LDHAL6A: variants seen among roughly 807,000 people sequenced by gnomAD.
LDHAL6A encodes the protein L-lactate dehydrogenase A-like 6A.
Under a neutral mutation model 28.2 loss-of-function variants are expected in LDHAL6A, and 19 were observed. The observed-to-expected ratio is 0.67, with a 90% CI of 0.47 to 0.99. LDHAL6A has a LOEUF of 0.99. LDHAL6A is among the 50% of genes least tolerant of loss of function. LDHAL6A has a pLI of 0.00. For missense variants in LDHAL6A, 372 were observed against 398.6 expected (o/e 0.93, Z 0.57); for synonymous variants, 144 against 134.4 (o/e 1.07, Z -0.49).
chr11:18,477,587 T>TTA (rs776665056), intron 5 of LDHAL6A, 33 bp from the exon 6 acceptor site: 7 of 1,564,456 alleles, frequency 4.5e-6, no homozygotes, highest in Middle Eastern at 4.7e-4. Flanking sequence ...CAAGTGCATC[T>TTA]TAACTTATGT....
At position 18,465,795 on chromosome 11, in the gene LDHAL6A, A is replaced by G. The variant is rs1849056582; in HGVS notation, c.403A>G (p.Ile135Val). Residue 135 changes from isoleucine (I) to valine (V), a missense_variant, in exon 3 of 7, where the codon ATT becomes GTT. Ile to Val is a conservative substitution (Grantham distance 29). Coordinates refer to ENST00000280706, the MANE Select transcript of LDHAL6A (RefSeq NM_144972.5). Reference sequence around the variant, plus strand: ...GTACAGTCCTCACTGCAAACTGCTTATTGTTACTAATCCAGGTCAGCTTTG... The same window carrying G: ...GTACAGTCCTCACTGCAAACTGCTTGTTGTTACTAATCCAGGTCAGCTTTG... Reference protein sequence around the residue: ...TQYSPHCKLLIVTNPVDILTY... With the variant: ...TQYSPHCKLLVVTNPVDILTY... 6.2e-7 allele frequency: 1 copy of G among 1,611,938 alleles called. No individual in the cohort carries two copies. Among genetic ancestry groups the G allele is most frequent in the Admixed American group, 1.7e-5 (1 of 59,580 alleles).
intron 6 of LDHAL6A, among the ~76,000 whole-genome samples, chr11:18,478,024 T>C (rs1343521718): frequency 2.0e-5 from 3 of 152,188 alleles, no homozygotes; most frequent in Admixed American, 6.5e-5. Flanking sequence ...TCTAGAAACA[T>C]TGGGAACCAC....
rs1322893556 is a variant in LDHAL6A, at chr11:18,456,333, AG to A, written c.-343del. 2 of 227,358 alleles carry A rather than the reference AG, an allele frequency of 8.8e-6. No individual in the cohort carries two copies. Among genetic ancestry groups the A allele is most frequent in the Non-Finnish European group, 1.7e-5 (2 of 115,824 alleles). The allele number at this position is 227,358 out of a possible 1,614,324, so 14.1% of individuals were successfully genotyped here. On this transcript the variant is annotated 5_prime_UTR_variant, in exon 1 of 7. An upstream open reading frame in the 5' UTR loses its in-frame stop. Coordinates refer to ENST00000280706, the MANE Select transcript of LDHAL6A (RefSeq NM_144972.5). Reference sequence around the variant, plus strand: ...AACAGCAGGGTAAAGGGGAGAGAAAAGGGGGTCAGCTGCGGGACGGAGTGCC... The same window carrying A: ...AACAGCAGGGTAAAGGGGAGAGAAAAGGGGTCAGCTGCGGGACGGAGTGCC...
intron 3 of LDHAL6A, 94 bp downstream of exon 3, chr11:18,465,904 G>A: frequency 2.9e-6 from 3 of 1,033,566 alleles, no homozygotes; most frequent in East Asian, 2.5e-5. Context: ...CTGAGGTTTG[G>A]GGTAGGATTG....
intron 3 of LDHAL6A, among the ~76,000 whole-genome samples, chr11:18,473,281 A>G (rs1384164830): frequency 6.6e-6 from 1 of 152,204 alleles, no homozygotes; most frequent in Non-Finnish European, 1.5e-5. Flanking sequence ...AGCTCCTCAA[A>G]GTCCCAGGCA....
At chr11:18,458,410 C>T (rs1268182707) in intron 1 of LDHAL6A, among the ~76,000 whole-genome samples, 1 of 152,228 alleles carries the variant, frequency 6.6e-6, no homozygotes, top group Non-Finnish European at 1.5e-5. Flanking sequence ...CTCAGTGGTG[C>T]TCCCTGCTGT....
At chr11:18,470,121 GT>G (rs150930461) in intron 3 of LDHAL6A, among the ~76,000 whole-genome samples, 223 of 152,316 alleles carry the variant, frequency 1.5e-3, no homozygotes, top group African/African-American at 5.2e-3. Context: ...TACAGATGGG[GT>G]TTTACCATGT....
At chr11:18,463,018 G>T (rs2133867317) in intron 1 of LDHAL6A, among the ~76,000 whole-genome samples, 1 of 151,112 alleles carries the variant, frequency 6.6e-6, no homozygotes, top group Non-Finnish European at 1.5e-5. Flanking sequence ...TAGCATCATA[G>T]AAATTATAGT....
At chr11:18,469,142 C>A (rs556211577) in intron 3 of LDHAL6A, 3 of 573,404 alleles carry the variant, frequency 5.2e-6, no homozygotes, top group East Asian at 3.1e-5. Flanking sequence ...TGGAGAGATT[C>A]TGATATGACT....
intron 1 of LDHAL6A, among the ~76,000 whole-genome samples, chr11:18,457,344 TTC>T (rs1454553521): frequency 2.0e-5 from 3 of 152,174 alleles, no homozygotes; most frequent in Non-Finnish European, 1.5e-5. Context: ...CAAAAAAAGA[TTC>T]TGACCCCTTT....
chr11:18,478,386 T>C (rs764109031), intron 6 of LDHAL6A, among the ~76,000 whole-genome samples: 1 of 152,102 alleles, frequency 6.6e-6, no homozygotes, highest in Non-Finnish European at 1.5e-5. Flanking sequence ...TAAATATGTC[T>C]AATCATGTTT....
Position 18,465,694 on chromosome 11 carries a change from A to G in LDHAL6A, c.302A>G (p.Lys101Arg), listed in dbSNP as rs377608686. The part of the protein sequence containing the change: ...LVIITAGARQ[K>R]KGETRLDLVQ... ...ATTATCACAGCAGGTGCACGCCAGA[A>G]AAAAGGAGAAACACGCCTTGATTTA... The change falls in exon 3 of 7, where the codon AAA (lysine) becomes AGA (arginine). Residue 101 changes from lysine (K) to arginine (R), a missense_variant. This residue lies in a region of LDHAL6A where 291 missense variants were observed against 302.9 expected (regional missense o/e 0.96). Transcript: ENST00000280706. The G allele has an allele frequency of 3.1e-6, 5 of 1,614,122 alleles. No individual in the cohort carries two copies. Among genetic ancestry groups the G allele is most frequent in the Admixed American group, 1.7e-5 (1 of 60,018 alleles).
chr11:18,471,210 GT>G (rs71313425), intron 3 of LDHAL6A, among the ~76,000 whole-genome samples: 24,200 of 138,748 alleles, frequency 0.17, 2,232 homozygotes, highest in East Asian at 0.42. Flanking sequence ...AACTTTAGAA[GT>G]TTTTTTTTTT....
intron 3 of LDHAL6A, chr11:18,469,128 G>A: frequency 1.8e-6 from 1 of 551,806 alleles, no homozygotes; most frequent in Non-Finnish European, 3.2e-6. Flanking sequence ...TGAAAGGAGA[G>A]CTGTGGAGAG....
intron 2 of LDHAL6A, among the ~76,000 whole-genome samples, chr11:18,465,424 AC>A (rs1328718949): frequency 1.8e-5 from 2 of 113,016 alleles, no homozygotes; most frequent in East Asian, 4.1e-4. Flanking sequence ...CACATGACTT[AC>A]GTTTTTTTTT....
chr11:18,469,265 C>T, intron 3 of LDHAL6A: 1 of 574,682 alleles, frequency 1.7e-6, no homozygotes, highest in Non-Finnish European at 3.1e-6. Flanking sequence ...TAAGTGAATC[C>T]CCAACCTACT....
At chr11:18,473,186 C>T (rs1277820599) in intron 3 of LDHAL6A, among the ~76,000 whole-genome samples, 1 of 152,146 alleles carries the variant, frequency 6.6e-6, no homozygotes, top group Non-Finnish European at 1.5e-5. Context: ...GTAATTTATA[C>T]CATTTTTACC....
chr11:18,466,302 T>C (rs956729996), intron 3 of LDHAL6A, among the ~76,000 whole-genome samples: 2 of 152,132 alleles, frequency 1.3e-5, no homozygotes, highest in Non-Finnish European at 2.9e-5. Context: ...GTTTTGTTAG[T>C]GTAATATGTA....
chr11:18,479,339 A>T lies in LDHAL6A; in HGVS notation c.*469A>T, dbSNP rs1262307729. 1 of 146,476 alleles carries T rather than the reference A, an allele frequency of 6.8e-6. No homozygotes were observed. The highest frequency in any genetic ancestry group is 1.5e-5 in the Non-Finnish European group (1 of 67,422). 9.1% of individuals were successfully genotyped at this position (146,476 alleles called of 1,614,324 possible). ...CTTTTTTTTTTTTTTTTTTAAAGTG[A>T]CGGCATCAAAGATGTTTTTGGTACT... On this transcript the variant is annotated 3_prime_UTR_variant, in exon 7 of 7. Coordinates refer to ENST00000280706, the MANE Select transcript of LDHAL6A (RefSeq NM_144972.5).
Sources: allele counts gnomAD v4.1 joint callset (sites outside exome capture counted in the v4.1 genomes callset), GRCh38; gene constraint gnomAD v4.1.1; regional missense constraint gnomAD v4.1.1; transcripts MANE v1.5; gene names NCBI Gene and HGNC (gene_info 2026-07-23, HGNC 2026-07-21).